Variants in ANKS1B observed in about 807,000 individuals in gnomAD.
ANKS1B encodes ankyrin repeat and sterile alpha motif domain containing 1B.
ANKS1B carries 36 observed loss-of-function variants against 148.3 expected under a neutral mutation model. That is an observed-to-expected ratio of 0.24 (90% confidence interval 0.19 to 0.32). The LOEUF (loss-of-function observed/expected upper bound fraction) is 0.32. ANKS1B is among the 10% of genes least tolerant of loss of function. The probability of loss-of-function intolerance (pLI) is 1.00; values close to 1 mark genes in which losing one functional copy is unlikely to be tolerated. For missense variants in ANKS1B, 1,157 were observed against 1,542.6 expected, an observed-to-expected ratio of 0.75 and a Z score of 4.19; for synonymous variants, 542 against 560.8, an observed-to-expected ratio of 0.97 and a Z score of 0.47.
At chr12:99,485,274 A>T (rs555839588) in intron 10 of ANKS1B, among the ~76,000 whole-genome samples, 18 of 152,142 alleles carry the variant, frequency 1.2e-4, no homozygotes, top group African/African-American at 4.1e-4. Flanking sequence ...TGTGAAACTT[A>T]GTTTTGTGGG....
At chr12:98,868,675 C>T (rs1016982055) in intron 17 of ANKS1B, among the ~76,000 whole-genome samples, 1 of 152,214 alleles carries the variant, frequency 6.6e-6, no homozygotes, top group South Asian at 2.1e-4. Context: ...CACCAAAAGT[C>T]AATCCACAAA....
At chr12:99,740,005 C>T (rs1397912226) in intron 8 of ANKS1B, among the ~76,000 whole-genome samples, 1 of 152,188 alleles carries the variant, frequency 6.6e-6, no homozygotes, top group Non-Finnish European at 1.5e-5. Context: ...AAGAACATTA[C>T]CTGGCACATA....
intron 22 of ANKS1B, among the ~76,000 whole-genome samples, chr12:98,782,589 CAAT>C (rs1276004701): frequency 1.8e-4 from 27 of 152,300 alleles, no homozygotes; most frequent in African/African-American, 6.5e-4. Context: ...TCATTGAACT[CAAT>C]GATGAGACTT....
intron 8 of ANKS1B, among the ~76,000 whole-genome samples, chr12:99,692,080 G>A (rs2098682170): frequency 6.6e-6 from 1 of 152,154 alleles, no homozygotes; most frequent in African/African-American, 2.4e-5. Flanking sequence ...TTAAAAGTGG[G>A]AAGTTTTTTA....
chr12:99,930,422 T>C (rs549987109), intron 1 of ANKS1B, among the ~76,000 whole-genome samples: 8 of 152,356 alleles, frequency 5.3e-5, no homozygotes, highest in South Asian at 2.1e-4. Context: ...GTTTTCTAGA[T>C]ATACAATCAT....
intron 8 of ANKS1B, among the ~76,000 whole-genome samples, chr12:99,658,756 A>G (rs891755210): frequency 6.6e-6 from 1 of 152,120 alleles, no homozygotes; most frequent in African/African-American, 2.4e-5. Flanking sequence ...CTTGACAGAG[A>G]CTGGCACATA....
chr12:99,667,295 G>C (rs1368335479), intron 8 of ANKS1B, among the ~76,000 whole-genome samples: 3 of 151,050 alleles, frequency 2.0e-5, no homozygotes, highest in Non-Finnish European at 4.4e-5. Context: ...GTTGCAGTGA[G>C]CCGAGATCAT....
intron 12 of ANKS1B, among the ~76,000 whole-genome samples, chr12:99,278,024 AG>A (rs1300004463): frequency 6.6e-6 from 1 of 152,240 alleles, no homozygotes; most frequent in Non-Finnish European, 1.5e-5. Context: ...AAGAGATAAA[AG>A]ATAAAACTCT....
chr12:99,533,966 A>C (rs908810101), intron 9 of ANKS1B, among the ~76,000 whole-genome samples: 1 of 152,174 alleles, frequency 6.6e-6, no homozygotes, highest in Non-Finnish European at 1.5e-5. Context: ...GCCTCCCAAA[A>C]CCTTCCAATC....
chr12:99,165,347 G>A (rs1200978336), intron 14 of ANKS1B, among the ~76,000 whole-genome samples: 1 of 151,866 alleles, frequency 6.6e-6, no homozygotes, highest in Non-Finnish European at 1.5e-5. Flanking sequence ...GCTGTTTTTT[G>A]AGATGATTAG....
At chr12:98,851,011 T>C (rs764519731) in intron 17 of ANKS1B, among the ~76,000 whole-genome samples, 5 of 152,124 alleles carry the variant, frequency 3.3e-5, no homozygotes, top group African/African-American at 7.2e-5. Flanking sequence ...GGTCACTGAG[T>C]CTTTGACAGA....
chr12:99,089,533 C>A (rs537514021), intron 15 of ANKS1B, among the ~76,000 whole-genome samples: 11 of 152,206 alleles, frequency 7.2e-5, no homozygotes, highest in Non-Finnish European at 1.6e-4. Flanking sequence ...TTAGACAGTG[C>A]TACTCTACAG....
Position 98,744,880 on chromosome 12 carries a change from G to C in ANKS1B, c.*859C>G, listed in dbSNP as rs1299734473. The C allele has an allele frequency of 1.8e-5, 18 of 985,386 alleles. No homozygotes were observed. Among genetic ancestry groups the C allele is most frequent in the Middle Eastern group, 5.2e-4 (1 of 1,914 alleles). The allele number at this position is 985,386 out of a possible 1,614,324, so 61.0% of individuals were successfully genotyped here. A position where few individuals can be genotyped will look rare whatever the true frequency, so the allele number is the denominator to read the frequency against. Reference sequence around the variant, plus strand: ...GGCTGATGGCTGCGTCAGCACTTCCGGGCCTCCTGCTCTAGGGAGCATCAC... The same window carrying C: ...GGCTGATGGCTGCGTCAGCACTTCCCGGCCTCCTGCTCTAGGGAGCATCAC... On this transcript the variant is annotated 3_prime_UTR_variant, in exon 27 of 27. Coordinates refer to ENST00000683438, the MANE Select transcript of ANKS1B (RefSeq NM_001352186.2).
At chr12:99,789,873 T>C (rs1194704596) in intron 4 of ANKS1B, among the ~76,000 whole-genome samples, 1 of 151,952 alleles carries the variant, frequency 6.6e-6, no homozygotes, top group Non-Finnish European at 1.5e-5. Flanking sequence ...TAGACAACAG[T>C]CTCAAGAGGG....
chr12:99,975,857 C>T (rs147528395), intron 1 of ANKS1B, among the ~76,000 whole-genome samples: 1,924 of 152,096 alleles, frequency 0.013, 23 homozygotes, highest in Middle Eastern at 0.037. Flanking sequence ...GTGTATATAC[C>T]CAAAAGAAAA....
At chr12:99,387,101 T>C (rs1231904920) in intron 12 of ANKS1B, among the ~76,000 whole-genome samples, 1 of 152,152 alleles carries the variant, frequency 6.6e-6, no homozygotes, top group African/African-American at 2.4e-5. Context: ...GATGCAATAG[T>C]CGAAGCATGT....
At chr12:99,554,311 G>GGATA (rs1424215007) in intron 9 of ANKS1B, among the ~76,000 whole-genome samples, 3 of 152,088 alleles carry the variant, frequency 2.0e-5, no homozygotes, top group African/African-American at 7.2e-5. Context: ...GAATAAGGAA[G>GGATA]GATAGATAGC....
chr12:99,015,172 C>T (rs569620301), intron 17 of ANKS1B, among the ~76,000 whole-genome samples: 1 of 152,322 alleles, frequency 6.6e-6, no homozygotes, highest in African/African-American at 2.4e-5. Context: ...GGTACATATA[C>T]ACCATGGAAT....
intron 17 of ANKS1B, among the ~76,000 whole-genome samples, chr12:98,903,176 T>G (rs1186508565): frequency 6.6e-6 from 1 of 152,122 alleles, no homozygotes; most frequent in East Asian, 1.9e-4. Flanking sequence ...TTGGGATAAT[T>G]GAATCTTAGG....
Sources: allele counts gnomAD v4.1 joint callset (sites outside exome capture counted in the v4.1 genomes callset), GRCh38; gene constraint gnomAD v4.1.1; transcripts MANE v1.5; gene names NCBI Gene and HGNC (gene_info 2026-07-23, HGNC 2026-07-21).